Variants in C10orf90 observed in about 807,000 individuals in gnomAD.
C10orf90 encodes chromosome 10 open reading frame 90.
Under a neutral mutation model 62.5 loss-of-function variants are expected in C10orf90, and 56 were observed. That is an observed-to-expected ratio of 0.90 (90% CI 0.72 to 1.12). The LOEUF is 1.12. C10orf90 is among the 50% of genes most tolerant of loss of function. The pLI, the probability that C10orf90 is intolerant of heterozygous loss-of-function variation, is 0.00. For synonymous variants in C10orf90, 386 were observed against 340.4 expected, an observed-to-expected ratio of 1.13 and a Z score of -1.47; for missense variants, 970 against 880.4, an observed-to-expected ratio of 1.10 and a Z score of -1.29.
intron 2 of C10orf90, among the ~76,000 whole-genome samples, chr10:126,577,496 A>AT (rs1426408129): frequency 3.3e-5 from 5 of 152,028 alleles, no homozygotes; most frequent in Non-Finnish European, 5.9e-5. Flanking sequence ...CTCTGGACTA[A>AT]TTTTTTAAAA....
chr10:126,444,972 A>G (rs1235014815), intron 7 of C10orf90, among the ~76,000 whole-genome samples: 1 of 152,140 alleles, frequency 6.6e-6, no homozygotes. Flanking sequence ...AGCAACATGT[A>G]GAATGAAACT....
intron 2 of C10orf90, among the ~76,000 whole-genome samples, chr10:126,646,033 G>A (rs1846163595): frequency 6.6e-6 from 1 of 152,114 alleles, no homozygotes; most frequent in East Asian, 1.9e-4. Flanking sequence ...CTAAATCTGT[G>A]GGATTTTGCT....
At chr10:126,568,589 T>C (rs186840414) in intron 2 of C10orf90, among the ~76,000 whole-genome samples, 7 of 152,310 alleles carry the variant, frequency 4.6e-5, no homozygotes, top group African/African-American at 1.7e-4. Context: ...ACAAGTAACC[T>C]AATCATGGGA....
chr10:126,520,263 C>A (rs1863668766), intron 2 of C10orf90: 1 of 152,298 alleles, frequency 6.6e-6, no homozygotes, highest in South Asian at 2.1e-4. Flanking sequence ...GCCTCATCTC[C>A]CAGCCGGTCC....
intron 4 of C10orf90, among the ~76,000 whole-genome samples, chr10:126,485,519 A>T (rs1487332598): frequency 6.6e-6 from 1 of 152,178 alleles, no homozygotes; most frequent in Non-Finnish European, 1.5e-5. Flanking sequence ...AGAGCAAAAA[A>T]GTCCTAACTT....
At chr10:126,550,423 G>T (rs1864607270) in intron 2 of C10orf90, among the ~76,000 whole-genome samples, 1 of 152,184 alleles carries the variant, frequency 6.6e-6, no homozygotes, top group Non-Finnish European at 1.5e-5. Flanking sequence ...TATACCAATG[G>T]CAGTATCCTT....
chr10:126,597,460 C>T (rs1281629371), intron 2 of C10orf90, among the ~76,000 whole-genome samples: 2 of 152,194 alleles, frequency 1.3e-5, no homozygotes, highest in Admixed American at 1.3e-4. Flanking sequence ...TGCCACAGAG[C>T]CCTGTGAATC....
intron 1 of C10orf90, among the ~76,000 whole-genome samples, chr10:126,655,920 G>T (rs12774828): frequency 2.6e-5 from 4 of 151,892 alleles, no homozygotes; most frequent in South Asian, 2.1e-4. Flanking sequence ...CCTGGGCCTG[G>T]GGGGGAGAAG....
chr10:126,577,619 A>G (rs1284030221), intron 2 of C10orf90, among the ~76,000 whole-genome samples: 4 of 152,106 alleles, frequency 2.6e-5, no homozygotes, highest in East Asian at 3.9e-4. Flanking sequence ...CATAAATTCA[A>G]CAGTATTCCA....
rs776633093 is a variant in C10orf90, at chr10:126,429,823, C to T, written c.2216G>A (p.Cys739Tyr). Residue 739 changes from cysteine to tyrosine, a missense_variant, in exon 8 of 10, where the codon TGC becomes TAC. Coordinates refer to ENST00000488181, the MANE Select transcript of C10orf90 (RefSeq NM_001350921.2). ...CATATGCATCTCCTTCTCTGAAATG[C>T]ACCGTTCTTTGGGTTTGAACAAGTT... The part of the protein sequence containing the change: ...SDNLFKPKER[C>Y]ISEKEMHMRS... 7 of 1,613,970 alleles carry T rather than the reference C, an allele frequency of 4.3e-6. No homozygotes were observed. The African/African-American group carries it at 5.3e-5, about 12-fold the overall frequency.
rs1343966018 is a variant in C10orf90, at chr10:126,656,583, C to T, written c.241-9946G>A. The stretch of plus-strand genomic sequence containing the variant: ...GCTAGAAGTTGTAACCGAAATTTAT[C>T]ACGGCCACACAATACTACATACTTC... On this transcript the variant is annotated intron_variant, in intron 1 of 9. Coordinates refer to ENST00000488181, the MANE Select transcript of C10orf90 (RefSeq NM_001350921.2). Among the ~76,000 whole-genome samples, 3 of 152,196 alleles carry T rather than the reference C, an allele frequency of 2.0e-5. No homozygotes were observed. The East Asian group carries it at 5.8e-4, about 29-fold the overall frequency.
At chr10:126,544,463 C>T (rs1204475501) in intron 2 of C10orf90, among the ~76,000 whole-genome samples, 1 of 152,168 alleles carries the variant, frequency 6.6e-6, no homozygotes, top group East Asian at 1.9e-4. Flanking sequence ...ACACCTGTAA[C>T]TGTACAGTGC....
chr10:126,559,357 C>T (rs965607049), intron 2 of C10orf90, among the ~76,000 whole-genome samples: 1 of 152,170 alleles, frequency 6.6e-6, no homozygotes, highest in African/African-American at 2.4e-5. Flanking sequence ...CAGCGGGCCC[C>T]ATATGGCTCA....
intron 4 of C10orf90, 88 bp from the exon 5 acceptor site, chr10:126,465,074 G>C: frequency 7.1e-7 from 1 of 1,413,024 alleles, no homozygotes; most frequent in Non-Finnish European, 9.7e-7. Flanking sequence ...CTTTTCTCGG[G>C]ACAGACTTGG....
intron 7 of C10orf90, among the ~76,000 whole-genome samples, chr10:126,446,377 G>A (rs1020756645): frequency 1.3e-5 from 2 of 151,964 alleles, no homozygotes; most frequent in Non-Finnish European, 2.9e-5. Flanking sequence ...AATCTTAAAA[G>A]CAGCAAAAGA....
chr10:126,536,657 T>C (rs115360300), intron 2 of C10orf90, among the ~76,000 whole-genome samples: 1,686 of 152,308 alleles, frequency 0.011, 40 homozygotes, highest in African/African-American at 0.038. Flanking sequence ...CAAGACTGTC[T>C]TCCATGAACC....
Position 126,464,833 on chromosome 10 carries a change from G to A in C10orf90, c.1688C>T (p.Ser563Phe). 1 of 1,614,154 alleles carries A rather than the reference G, an allele frequency of 6.2e-7. No homozygotes were observed. Among genetic ancestry groups the A allele is most frequent in the Non-Finnish European group, 8.5e-7 (1 of 1,180,046 alleles). ...PSDDCLSRDL[S>F]EPTERRHQSF... is the part of the protein sequence containing the mutation. ...TTGATGTCGTCTCTCTGTGGGCTCA[G>A]AAAGGTCTCTAGACAGACAGTCATC... The change falls in exon 5 of 10, where the codon TCT becomes TTT. Residue 563 changes from serine to phenylalanine, a missense_variant. Physicochemically the swap from Ser to Phe is radical, Grantham distance 155. Coordinates refer to ENST00000488181, the MANE Select transcript of C10orf90 (RefSeq NM_001350921.2).
At chr10:126,615,754 C>T (rs952751361) in intron 2 of C10orf90, among the ~76,000 whole-genome samples, 4 of 152,126 alleles carry the variant, frequency 2.6e-5, no homozygotes, top group South Asian at 2.1e-4. Context: ...CATGGTCATA[C>T]TCACCATAAG....
intron 4 of C10orf90, among the ~76,000 whole-genome samples, chr10:126,487,142 C>CAAAAAAAAAAAAA (rs1158481155): frequency 3.1e-4 from 9 of 29,456 alleles, no homozygotes; most frequent in Middle Eastern, 0.036. Context: ...AAAACTCTGT[C>CAAAAAAAAAAAAA]AAAAAAAAAA....
Sources: allele counts gnomAD v4.1 joint callset (sites outside exome capture counted in the v4.1 genomes callset), GRCh38; gene constraint gnomAD v4.1.1; transcripts MANE v1.5; gene names NCBI Gene and HGNC (gene_info 2026-07-23, HGNC 2026-07-21).